Variants in NKAIN2 observed in about 807,000 individuals in gnomAD.
The protein encoded by NKAIN2 is sodium/potassium-transporting ATPase subunit beta-1-interacting protein 2.
NKAIN2 carries 14 observed loss-of-function variants against 32.6 expected under a neutral mutation model. The observed-to-expected ratio is 0.43, with a 90% confidence interval of 0.28 to 0.67. The LOEUF is 0.67. NKAIN2 is among the 30% of genes least tolerant of loss of function. NKAIN2 has a pLI of 0.17. For synonymous variants in NKAIN2, 80 were observed against 87.2 expected (o/e 0.92, Z 0.46); for missense variants, 198 against 258.3 (o/e 0.77, Z 1.60).
At chr6:124,025,623 T>A (rs958030181) in intron 1 of NKAIN2, among the ~76,000 whole-genome samples, 10 of 152,196 alleles carry the variant, frequency 6.6e-5, no homozygotes, top group Admixed American at 1.3e-4. Context: ...TTGTGCATCA[T>A]GATGACTGTA....
intron 2 of NKAIN2, among the ~76,000 whole-genome samples, chr6:124,316,926 G>A (rs1796977002): frequency 1.3e-5 from 2 of 152,032 alleles, no homozygotes; most frequent in Non-Finnish European, 2.9e-5. Flanking sequence ...AATGTGTTGT[G>A]TTGCTTTATT....
intron 1 of NKAIN2, among the ~76,000 whole-genome samples, chr6:123,829,822 A>C (rs1367575404): frequency 6.6e-6 from 1 of 152,250 alleles, no homozygotes; most frequent in Admixed American, 6.5e-5. Flanking sequence ...CAAAATAAGC[A>C]AAGTAACTAA....
chr6:124,078,304 C>T (rs1052158228), intron 1 of NKAIN2, among the ~76,000 whole-genome samples: 1 of 151,618 alleles, frequency 6.6e-6, no homozygotes, highest in South Asian at 2.1e-4. Flanking sequence ...GAAAATAATC[C>T]CTCAAAGATT....
At chr6:124,083,157 A>T (rs555144816) in intron 1 of NKAIN2, among the ~76,000 whole-genome samples, 16 of 152,082 alleles carry the variant, frequency 1.1e-4, no homozygotes, top group African/African-American at 3.4e-4. Context: ...GAATAATTTT[A>T]AATTATAATT....
At position 124,824,897 on chromosome 6, in the gene NKAIN2, A is replaced by C. The variant is rs112244517; in HGVS notation, c.*1668A>C. The C allele has an allele frequency of 1.3e-5, 2 of 152,428 alleles. No homozygotes were observed. Among genetic ancestry groups the C allele is most frequent in the Non-Finnish European group, 2.9e-5 (2 of 68,034 alleles). The allele number at this position is 152,428 out of a possible 1,614,324, so 9.4% of individuals were successfully genotyped here. On this transcript the variant is annotated 3_prime_UTR_variant, in exon 7 of 7. Transcript: ENST00000368417. ...ATATACACACACATATACATTTGAA[A>C]ATGATAGAGGAACAAAGAGTTATCA...
intron 4 of NKAIN2, among the ~76,000 whole-genome samples, chr6:124,739,440 A>G (rs1290790135): frequency 3.3e-5 from 5 of 151,824 alleles, no homozygotes; most frequent in Non-Finnish European, 7.4e-5. Context: ...ATTCTTCACA[A>G]CTAGGAAGTG....
intron 4 of NKAIN2, among the ~76,000 whole-genome samples, chr6:124,780,267 G>C (rs188048891): frequency 6.6e-6 from 1 of 152,280 alleles, no homozygotes; most frequent in East Asian, 1.9e-4. Context: ...AGAGAATGCT[G>C]ATAGTCCAGT....
At chr6:124,728,803 A>G (rs980917152) in intron 4 of NKAIN2, among the ~76,000 whole-genome samples, 3 of 151,996 alleles carry the variant, frequency 2.0e-5, no homozygotes, top group African/African-American at 7.3e-5. Context: ...AAATTGATAG[A>G]CCGCTAGCAA....
At chr6:124,349,814 T>C (rs750895685) in intron 2 of NKAIN2, among the ~76,000 whole-genome samples, 2 of 152,222 alleles carry the variant, frequency 1.3e-5, no homozygotes, top group Non-Finnish European at 2.9e-5. Flanking sequence ...GATTTCATCA[T>C]TGGAGCCACA....
chr6:123,932,868 C>T (rs1776320048), intron 1 of NKAIN2, among the ~76,000 whole-genome samples: 1 of 151,256 alleles, frequency 6.6e-6, no homozygotes, highest in African/African-American at 2.4e-5. Flanking sequence ...TTTCTTTCTC[C>T]TGTCTTCCCT....
At chr6:124,380,276 G>A (rs78217132) in intron 3 of NKAIN2, among the ~76,000 whole-genome samples, 25 of 152,252 alleles carry the variant, frequency 1.6e-4, no homozygotes, top group African/African-American at 5.3e-4. Flanking sequence ...AGATGCTGAG[G>A]TTGAAAGAAT....
intron 3 of NKAIN2, among the ~76,000 whole-genome samples, chr6:124,593,874 G>C (rs1031344356): frequency 6.6e-6 from 1 of 152,172 alleles, no homozygotes. Context: ...CCAGGCTTCT[G>C]TTTTGGCAAC....
intron 3 of NKAIN2, among the ~76,000 whole-genome samples, chr6:124,598,182 A>C (rs183157996): frequency 6.6e-6 from 1 of 152,326 alleles, no homozygotes; most frequent in East Asian, 1.9e-4. Context: ...TTTCTAGGAA[A>C]AACTAGTTGT....
chr6:123,841,721 C>T (rs909775848), intron 1 of NKAIN2, among the ~76,000 whole-genome samples: 1 of 152,126 alleles, frequency 6.6e-6, no homozygotes, highest in Non-Finnish European at 1.5e-5. Flanking sequence ...TAACCCTCAA[C>T]GTCCAGGATG....
intron 1 of NKAIN2, among the ~76,000 whole-genome samples, chr6:123,998,814 T>C (rs1032544422): frequency 1.3e-5 from 2 of 149,232 alleles, no homozygotes; most frequent in Non-Finnish European, 3.0e-5. Flanking sequence ...TATATACATA[T>C]ATATATATAT....
chr6:124,074,123 C>T (rs1158309233), intron 1 of NKAIN2, among the ~76,000 whole-genome samples: 1 of 152,062 alleles, frequency 6.6e-6, no homozygotes, highest in Non-Finnish European at 1.5e-5. Flanking sequence ...GAATCATCTC[C>T]CAGTGGAGTC....
intron 3 of NKAIN2, among the ~76,000 whole-genome samples, chr6:124,627,852 ACAGT>A (rs550506739): frequency 1.7e-3 from 263 of 152,226 alleles, no homozygotes; most frequent in African/African-American, 6.0e-3. Flanking sequence ...ATAAATACAC[ACAGT>A]CAGTCACACT....
At chr6:124,476,864 G>A (rs1777238041) in intron 3 of NKAIN2, among the ~76,000 whole-genome samples, 1 of 152,050 alleles carries the variant, frequency 6.6e-6, no homozygotes, top group Non-Finnish European at 1.5e-5. Flanking sequence ...TGAAAGGGGT[G>A]GACCCTAGAT....
intron 3 of NKAIN2, among the ~76,000 whole-genome samples, chr6:124,495,923 G>A (rs1369253219): frequency 6.6e-6 from 1 of 152,136 alleles, no homozygotes; most frequent in Non-Finnish European, 1.5e-5. Context: ...CCAAGAAAGT[G>A]GAGTTGGCAC....
Sources: gnomAD v4.1 joint callset for allele counts (sites outside exome capture counted in the v4.1 genomes callset) on GRCh38, gnomAD v4.1.1 for gene constraint, MANE v1.5 for transcripts, NCBI Gene and HGNC (gene_info 2026-07-23, HGNC 2026-07-21) for gene names.